The following SLC25A48 variants were observed in gnomAD, a reference collection of about 807,000 sequenced individuals.
SLC25A48 encodes the protein solute carrier family 25 member 48.
Under a neutral mutation model 32.2 loss-of-function variants are expected in SLC25A48, and 29 were observed. The observed-to-expected ratio is 0.90, with a 90% CI of 0.67 to 1.23. The LOEUF is 1.23. Ranked by LOEUF, SLC25A48 falls within the 50% of genes most tolerant of loss-of-function variation. The probability of loss-of-function intolerance (pLI) is 0.00; values close to 1 mark genes in which losing one functional copy is unlikely to be tolerated. For missense variants in SLC25A48, 399 were observed against 422.7 expected (o/e 0.94, Z 0.49); for synonymous variants, 164 against 172.3 (o/e 0.95, Z 0.38).
chr5:135,731,619 G>A (rs969277908), intron 3 of SLC25A48, among the ~76,000 whole-genome samples: 35 of 152,156 alleles, frequency 2.3e-4, no homozygotes, highest in African/African-American at 6.3e-4. Flanking sequence ...CATATAGAAT[G>A]ATTGGTGATG....
At chr5:135,613,368 AT>A (rs1193911014) in intron 1 of SLC25A48, among the ~76,000 whole-genome samples, 1 of 152,146 alleles carries the variant, frequency 6.6e-6, no homozygotes, top group Non-Finnish European at 1.5e-5. Context: ...ATTTTATCCC[AT>A]TTTAACAGAG....
At chr5:135,584,406 T>C (rs1446714572) in intron 1 of SLC25A48, among the ~76,000 whole-genome samples, 7 of 152,204 alleles carry the variant, frequency 4.6e-5, no homozygotes, top group Admixed American at 6.5e-5. Flanking sequence ...TCTTTGGCAA[T>C]GAAGGAAAAG....
intron 3 of SLC25A48, among the ~76,000 whole-genome samples, chr5:135,690,569 C>T (rs1754121251): frequency 1.3e-5 from 2 of 152,180 alleles, no homozygotes; most frequent in Admixed American, 1.3e-4. Flanking sequence ...TGATTTGCAG[C>T]CCCCACCTGT....
At chr5:135,700,995 T>C (rs1001185770) in intron 3 of SLC25A48, among the ~76,000 whole-genome samples, 1 of 152,342 alleles carries the variant, frequency 6.6e-6, no homozygotes, top group East Asian at 1.9e-4. Context: ...GCAGCTCTGC[T>C]GGGCTCCATC....
At chr5:135,653,640 T>G (rs1226403222) in intron 3 of SLC25A48, among the ~76,000 whole-genome samples, 1 of 152,144 alleles carries the variant, frequency 6.6e-6, no homozygotes, top group Non-Finnish European at 1.5e-5. Flanking sequence ...AGGAGGAGAC[T>G]GCAGGCTAGT....
At chr5:135,793,430 C>A (rs1447750433) in intron 3 of SLC25A48, among the ~76,000 whole-genome samples, 2 of 151,606 alleles carry the variant, frequency 1.3e-5, no homozygotes, top group Non-Finnish European at 2.9e-5. Context: ...TTGTTTACAC[C>A]ATATTTGTAC....
At chr5:135,744,486 G>A (rs886153890) in intron 3 of SLC25A48, among the ~76,000 whole-genome samples, 1 of 84,024 alleles carries the variant, frequency 1.2e-5, no homozygotes, top group African/African-American at 3.6e-5. Flanking sequence ...GAGTAGGCAC[G>A]CATCACCATG....
intron 3 of SLC25A48, among the ~76,000 whole-genome samples, chr5:135,808,950 T>C (rs555568712): frequency 6.6e-6 from 1 of 152,208 alleles, no homozygotes; most frequent in South Asian, 2.1e-4. Flanking sequence ...TTCTATACCT[T>C]GTCATTTTGT....
chr5:135,729,787 A>C (rs1009194724), intron 3 of SLC25A48, among the ~76,000 whole-genome samples: 1 of 152,204 alleles, frequency 6.6e-6, no homozygotes, highest in Non-Finnish European at 1.5e-5. Context: ...TCTAAAAGTA[A>C]TAGGAAGTAC....
At chr5:135,770,598 G>A (rs1259131327) in intron 3 of SLC25A48, among the ~76,000 whole-genome samples, 1 of 151,640 alleles carries the variant, frequency 6.6e-6, no homozygotes, top group Non-Finnish European at 1.5e-5. Context: ...CTGTGATATT[G>A]TTCCTAATAT....
At chr5:135,814,577 C>T (rs1237254075) in intron 4 of SLC25A48, among the ~76,000 whole-genome samples, 1 of 152,158 alleles carries the variant, frequency 6.6e-6, no homozygotes, top group Non-Finnish European at 1.5e-5. Flanking sequence ...TCTGTCTGGG[C>T]AGCAAGCATG....
chr5:135,687,402 A>G (rs951036366), intron 3 of SLC25A48, among the ~76,000 whole-genome samples: 10 of 152,264 alleles, frequency 6.6e-5, no homozygotes. Flanking sequence ...CTGCCAAGAA[A>G]CATGGTGATC....
chr5:135,728,894 A>ACACACACACC, intron 3 of SLC25A48, among the ~76,000 whole-genome samples: 1 of 150,012 alleles, frequency 6.7e-6, no homozygotes, highest in South Asian at 2.1e-4. Flanking sequence ...ATACACACAC[A>ACACACACACC]CCCCAAGGCT....
intron 4 of SLC25A48, among the ~76,000 whole-genome samples, chr5:135,858,260 G>A (rs188637908): frequency 1.7e-4 from 26 of 152,316 alleles, no homozygotes; most frequent in Admixed American, 1.7e-3. Context: ...GGTTTCTGCA[G>A]GCAAATATTT....
intron 3 of SLC25A48, among the ~76,000 whole-genome samples, chr5:135,750,846 C>A (rs1262900355): frequency 4.6e-5 from 7 of 152,154 alleles, no homozygotes; most frequent in African/African-American, 1.7e-4. Flanking sequence ...CTTATTTTAG[C>A]AAATGTGACA....
At chr5:135,737,331 C>A (rs546584496) in intron 3 of SLC25A48, among the ~76,000 whole-genome samples, 1 of 151,914 alleles carries the variant, frequency 6.6e-6, no homozygotes, top group South Asian at 2.1e-4. Flanking sequence ...CAGGATGAGC[C>A]GGGAGAAGGA....
intron 1 of SLC25A48, among the ~76,000 whole-genome samples, chr5:135,615,982 G>T (rs1482445583): frequency 6.6e-6 from 1 of 152,232 alleles, no homozygotes; most frequent in Non-Finnish European, 1.5e-5. Context: ...GCTTCAGAAG[G>T]TGCAAACCAT....
At chr5:135,591,298 TACTC>T (rs1281633776) in intron 1 of SLC25A48, among the ~76,000 whole-genome samples, 1 of 152,244 alleles carries the variant, frequency 6.6e-6, no homozygotes, top group South Asian at 2.1e-4. Flanking sequence ...AGAAGGGACT[TACTC>T]AGGGCACAGA....
At chr5:135,879,838 C>T (rs1762330253) in intron 6 of SLC25A48, 130 bp from the exon 7 acceptor site, 4 of 1,320,458 alleles carry the variant, frequency 3.0e-6, no homozygotes, top group African/African-American at 1.5e-5. Context: ...TCTGCCTGCA[C>T]AGGTCCTTTG....
Sources: allele counts gnomAD v4.1 joint callset (sites outside exome capture counted in the v4.1 genomes callset), GRCh38; gene constraint gnomAD v4.1.1; transcripts MANE v1.5; gene names NCBI Gene and HGNC (gene_info 2026-07-23, HGNC 2026-07-21).